The following BNC2 variants were observed in gnomAD, a reference collection of about 807,000 sequenced individuals.
The protein encoded by BNC2 is basonuclin zinc finger protein 2.
BNC2 carries 20 observed loss-of-function variants against 76.3 expected under a neutral mutation model. That is an observed-to-expected ratio of 0.26 (90% CI 0.18 to 0.38). The LOEUF is 0.38. Among genes scored for constraint, BNC2 ranks in the 10% least tolerant of loss-of-function variants. BNC2 has a pLI of 1.00. For synonymous variants in BNC2, 582 were observed against 514.8 expected (o/e 1.13, Z -1.77); for missense variants, 1,382 against 1,399.8 (o/e 0.99, Z 0.20).
intron 3 of BNC2, among the ~76,000 whole-genome samples, chr9:16,694,060 G>A (rs1823262846): frequency 6.6e-6 from 1 of 152,206 alleles, no homozygotes; most frequent in South Asian, 2.1e-4. Context: ...TGGGGGGAGG[G>A]TGTGGCATTT....
chr9:16,488,058 T>C (rs1303191071), intron 5 of BNC2, among the ~76,000 whole-genome samples: 1 of 152,192 alleles, frequency 6.6e-6, no homozygotes, highest in Non-Finnish European at 1.5e-5. Context: ...TGCTTTATCT[T>C]TGTACTACTA....
At chr9:16,497,249 T>C (rs770353886) in intron 5 of BNC2, among the ~76,000 whole-genome samples, 6 of 152,240 alleles carry the variant, frequency 3.9e-5, no homozygotes, top group Non-Finnish European at 8.8e-5. Context: ...GCCTAATTTC[T>C]AGATATTGCA....
At chr9:16,841,596 CCTTGAGTGGTTTCA>C (rs1361406361) in intron 1 of BNC2, among the ~76,000 whole-genome samples, 1 of 152,028 alleles carries the variant, frequency 6.6e-6, no homozygotes, top group Non-Finnish European at 1.5e-5. Flanking sequence ...CCCTTATGAT[CCTTGAGTGGTTTCA>C]CTGCACTGTG....
At chr9:16,711,330 G>GTTGTA (rs1444125536) in intron 3 of BNC2, among the ~76,000 whole-genome samples, 3 of 152,142 alleles carry the variant, frequency 2.0e-5, no homozygotes, top group Non-Finnish European at 4.4e-5. Flanking sequence ...GTTGATTTGG[G>GTTGTA]TTGTATTAAC....
intron 3 of BNC2, among the ~76,000 whole-genome samples, chr9:16,607,442 T>C (rs1056610977): frequency 3.9e-5 from 6 of 152,084 alleles, no homozygotes; most frequent in African/African-American, 1.4e-4. Flanking sequence ...TCAAACTCAG[T>C]GGTCCTTTAG....
At chr9:16,788,260 A>T (rs1826351780) in intron 1 of BNC2, among the ~76,000 whole-genome samples, 2 of 152,178 alleles carry the variant, frequency 1.3e-5, no homozygotes, top group Non-Finnish European at 2.9e-5. Context: ...CTCCATAAAG[A>T]GGTCATTCCT....
chr9:16,746,906 G>T (rs374215205), intron 1 of BNC2, among the ~76,000 whole-genome samples: 1 of 150,412 alleles, frequency 6.6e-6, no homozygotes, highest in African/African-American at 2.4e-5. Context: ...AGCTTGCAGT[G>T]AGCAGAGATT....
intron 2 of BNC2, among the ~76,000 whole-genome samples, chr9:16,736,952 A>G (rs1587365516): frequency 6.6e-6 from 1 of 150,626 alleles, no homozygotes; most frequent in South Asian, 2.1e-4. Context: ...GATTACAGGC[A>G]TGCACCTCCA....
intron 5 of BNC2, among the ~76,000 whole-genome samples, chr9:16,458,656 A>G (rs1821507362): frequency 6.6e-6 from 1 of 152,272 alleles, no homozygotes; most frequent in Non-Finnish European, 1.5e-5. Flanking sequence ...CCCTATGGCA[A>G]GAACACACTG....
intron 1 of BNC2, among the ~76,000 whole-genome samples, chr9:16,833,474 T>C (rs539625803): frequency 6.6e-6 from 1 of 152,262 alleles, no homozygotes; most frequent in African/African-American, 2.4e-5. Context: ...AGCTTCGAGG[T>C]CATTAGCCTC....
At chr9:16,715,584 C>A (rs1391686005) in intron 3 of BNC2, among the ~76,000 whole-genome samples, 1 of 152,178 alleles carries the variant, frequency 6.6e-6, no homozygotes, top group Non-Finnish European at 1.5e-5. Context: ...ATTTCAAAAT[C>A]AGGAGATTTC....
intron 3 of BNC2, among the ~76,000 whole-genome samples, chr9:16,709,935 GC>G (rs1823787079): frequency 6.6e-6 from 1 of 152,016 alleles, no homozygotes; most frequent in Non-Finnish European, 1.5e-5. Context: ...GAAAAACAAG[GC>G]CCAATCACGA....
chr9:16,614,958 T>TAAAAAAAAAA (rs60545823), intron 3 of BNC2, among the ~76,000 whole-genome samples: 2 of 62,522 alleles, frequency 3.2e-5, no homozygotes, highest in African/African-American at 6.6e-5. Context: ...TCTGTCTCTT[T>TAAAAAAAAAA]AAAAAAAAAA....
At position 16,548,664 on chromosome 9, in the gene BNC2, G is replaced by A. The variant is rs564563499; in HGVS notation, c.669+3866C>T. 1.3e-4 allele frequency among the ~76,000 whole-genome samples: 20 copies of A among 152,174 alleles called. No individual in the cohort carries two copies. In the South Asian group the frequency reaches 1.7e-3, roughly 13 times the overall value. ...AAGTGATCTGCCCGCCTTGGCCTCC[G>A]AAAGTGCTGGGATTACAGGCGTGAG... On this transcript the variant is annotated intron_variant, in intron 5 of 6. Transcript: ENST00000380672.
chr9:16,432,104 A>T (rs982008471), intron 6 of BNC2, among the ~76,000 whole-genome samples: 3 of 152,232 alleles, frequency 2.0e-5, no homozygotes, highest in Non-Finnish European at 4.4e-5. Context: ...CTACCTAGTA[A>T]CAAAGATGAA....
At chr9:16,690,926 T>A (rs1823140827) in intron 3 of BNC2, among the ~76,000 whole-genome samples, 1 of 152,062 alleles carries the variant, frequency 6.6e-6, no homozygotes. Context: ...AGGTTCACTC[T>A]TGCTCTTCCC....
At chr9:16,779,984 C>A (rs1215678458) in intron 1 of BNC2, among the ~76,000 whole-genome samples, 1 of 152,142 alleles carries the variant, frequency 6.6e-6, no homozygotes, top group East Asian at 1.9e-4. Context: ...CGCCTGTGAT[C>A]CCAGCACTTT....
intron 5 of BNC2, among the ~76,000 whole-genome samples, chr9:16,480,045 C>T (rs1292933188): frequency 6.6e-6 from 1 of 152,174 alleles, no homozygotes; most frequent in Admixed American, 6.5e-5. Flanking sequence ...ATTCTAAGTT[C>T]ATTCAACACA....
intron 5 of BNC2, among the ~76,000 whole-genome samples, chr9:16,494,862 G>A (rs1230949242): frequency 6.6e-6 from 1 of 152,118 alleles, no homozygotes; most frequent in East Asian, 1.9e-4. Flanking sequence ...GATAGCATTA[G>A]GAGAAATACC....
Sources: allele counts gnomAD v4.1 joint callset (sites outside exome capture counted in the v4.1 genomes callset), GRCh38; gene constraint gnomAD v4.1.1; transcripts MANE v1.5; gene names NCBI Gene and HGNC (gene_info 2026-07-23, HGNC 2026-07-21).